Variants in VSTM2L observed in about 807,000 individuals in gnomAD.
VSTM2L encodes the protein V-set and transmembrane domain containing 2 like.
A neutral mutation model predicts 19.9 loss-of-function variants in VSTM2L; 9 were observed. The ratio of observed to expected loss-of-function variants is 0.45; its 90% confidence interval spans 0.27 to 0.79. VSTM2L has a LOEUF of 0.79. VSTM2L is among the 30% of genes least tolerant of loss of function. The pLI is 0.15. For synonymous variants in VSTM2L, 127 were observed against 133.8 expected (o/e 0.95, Z 0.35); for missense variants, 286 against 295.5 (o/e 0.97, Z 0.24).
At chr20:37,928,908 T>C (rs563576211) in intron 1 of VSTM2L, among the ~76,000 whole-genome samples, 1 of 152,356 alleles carries the variant, frequency 6.6e-6, no homozygotes, top group South Asian at 2.1e-4. Context: ...TTAACATTTA[T>C]GTTTACATGA....
At chr20:37,913,977 C>G (rs887999435) in intron 1 of VSTM2L, among the ~76,000 whole-genome samples, 2 of 151,964 alleles carry the variant, frequency 1.3e-5, no homozygotes, top group Non-Finnish European at 2.9e-5. Context: ...TGGATGCGGG[C>G]GTGCACGGAC....
At chr20:37,912,415 C>T (rs77059272) in intron 1 of VSTM2L, among the ~76,000 whole-genome samples, 1 of 152,218 alleles carries the variant, frequency 6.6e-6, no homozygotes, top group Non-Finnish European at 1.5e-5. Context: ...TAGTGGGAAG[C>T]AGTGGGGCTC....
intron 3 of VSTM2L, 51 bp downstream of exon 3, chr20:37,933,640 G>T: frequency 6.3e-7 from 1 of 1,598,262 alleles, no homozygotes; most frequent in Non-Finnish European, 8.6e-7. Context: ...GGGCACAGCT[G>T]TGACTTAAAA....
chr20:37,919,491 T>C (rs1215175418), intron 1 of VSTM2L, among the ~76,000 whole-genome samples: 2 of 152,244 alleles, frequency 1.3e-5, no homozygotes, highest in Non-Finnish European at 2.9e-5. Flanking sequence ...TTTCTTCTTA[T>C]GGGGATTTTA....
chr20:37,931,066 G>A (rs919069096), intron 1 of VSTM2L, among the ~76,000 whole-genome samples: 1 of 152,200 alleles, frequency 6.6e-6, no homozygotes, highest in Non-Finnish European at 1.5e-5. Context: ...GCAAGAGTGA[G>A]GCCAGAAAGG....
intron 1 of VSTM2L, among the ~76,000 whole-genome samples, chr20:37,929,240 A>G (rs2072895373): frequency 6.6e-6 from 1 of 152,176 alleles, no homozygotes; most frequent in Admixed American, 6.5e-5. Context: ...AGGAATCAGC[A>G]GGTGCAAAGG....
intron 1 of VSTM2L, among the ~76,000 whole-genome samples, chr20:37,931,351 T>C (rs1007565092): frequency 3.9e-5 from 6 of 152,166 alleles, no homozygotes; most frequent in Non-Finnish European, 7.4e-5. Context: ...CCCTGGCATG[T>C]TCTCCCACAG....
intron 1 of VSTM2L, among the ~76,000 whole-genome samples, chr20:37,917,406 A>G (rs1373982179): frequency 2.6e-5 from 4 of 152,240 alleles, no homozygotes; most frequent in Admixed American, 6.5e-5. Flanking sequence ...GAGACAGGCA[A>G]GGACCCACCT....
chr20:37,926,919 A>C (rs1267172581), intron 1 of VSTM2L, among the ~76,000 whole-genome samples: 2 of 152,104 alleles, frequency 1.3e-5, no homozygotes, highest in Non-Finnish European at 2.9e-5. Context: ...TGTAAAATGC[A>C]CTCCAGTTTT....
chr20:37,912,166 G>A (rs1359776845), intron 1 of VSTM2L, among the ~76,000 whole-genome samples: 2 of 152,226 alleles, frequency 1.3e-5, no homozygotes, highest in Non-Finnish European at 2.9e-5. Context: ...ATGCTGAACA[G>A]CAAAGCCGGG....
chr20:37,914,980 A>T (rs2072809016), intron 1 of VSTM2L, among the ~76,000 whole-genome samples: 1 of 152,116 alleles, frequency 6.6e-6, no homozygotes, highest in Non-Finnish European at 1.5e-5. Flanking sequence ...GTGAGGTTTT[A>T]AAAAAATCAT....
intron 1 of VSTM2L, among the ~76,000 whole-genome samples, chr20:37,913,027 C>G (rs1041303913): frequency 6.6e-6 from 1 of 152,276 alleles, no homozygotes; most frequent in Middle Eastern, 3.4e-3. Context: ...GCACACAGCT[C>G]TCTTCGATGA....
rs6126614 is a variant in VSTM2L at position 37,943,110 on chromosome 20, G to A, written c.343-871G>A. ...AGTCTCACGAGTAGCTGGGATTACC[G>A]GCATGCACCACCACACCCCCGGCTA... On this transcript the variant is annotated intron_variant, in intron 3 of 3. Transcript: ENST00000373461. Among the ~76,000 whole-genome samples the A allele has an allele frequency of 6.3e-4, 96 of 152,008 alleles. 1 individual carries two copies. In the East Asian group the frequency reaches 0.016, roughly 26 times the overall value.
chr20:37,923,613 G>T (rs1300799843), intron 1 of VSTM2L, among the ~76,000 whole-genome samples: 2 of 152,194 alleles, frequency 1.3e-5, no homozygotes, highest in African/African-American at 4.8e-5. Context: ...CTGGGGACTG[G>T]CTGCAAGGAG....
At chr20:37,938,941 G>A (rs930268696) in intron 3 of VSTM2L, among the ~76,000 whole-genome samples, 9 of 152,118 alleles carry the variant, frequency 5.9e-5, no homozygotes, top group African/African-American at 2.2e-4. Flanking sequence ...TGGGGGCCTC[G>A]GAAAGACATG....
At chr20:37,907,008 C>T (rs1486552904) in intron 1 of VSTM2L, among the ~76,000 whole-genome samples, 1 of 152,358 alleles carries the variant, frequency 6.6e-6, no homozygotes, top group South Asian at 2.1e-4. Flanking sequence ...AGAAGCCTCA[C>T]ATGGCAGAGT....
At chr20:37,921,998 C>T (rs906200590) in intron 1 of VSTM2L, among the ~76,000 whole-genome samples, 1 of 151,784 alleles carries the variant, frequency 6.6e-6, no homozygotes, top group African/African-American at 2.4e-5. Flanking sequence ...GCAGTGAGCC[C>T]AGGGAAGCCA....
chr20:37,927,952 C>A (rs2072887779), intron 1 of VSTM2L, among the ~76,000 whole-genome samples: 2 of 152,204 alleles, frequency 1.3e-5, no homozygotes, highest in African/African-American at 4.8e-5. Flanking sequence ...CTGGCTTCAG[C>A]CTTTCTTGCT....
chr20:37,931,769 G>A lies in VSTM2L; in HGVS notation c.256G>A (p.Asp86Asn). The change falls in exon 2 of 4, where the codon GAC becomes AAC. Residue 86 changes from aspartate (D) to asparagine (N), a missense_variant. Transcript: ENST00000373461. ...IQWWYVRSHRDWTDKQAWASN... is the reference protein window; with the variant it reads ...IQWWYVRSHRNWTDKQAWASN... ...GTGGTGGTATGTACGGAGCCACCGGGACTGGACCGACAAGCAGGCGTGGGC... is the reference window on the plus strand; with the variant it reads ...GTGGTGGTATGTACGGAGCCACCGGAACTGGACCGACAAGCAGGCGTGGGC... 1 of 1,613,956 alleles carries A rather than the reference G, an allele frequency of 6.2e-7. No individual in the cohort carries two copies. Among genetic ancestry groups the A allele is most frequent in the Non-Finnish European group, 8.5e-7 (1 of 1,180,016 alleles).
Sources: gnomAD v4.1 joint callset for allele counts (sites outside exome capture counted in the v4.1 genomes callset) on GRCh38, gnomAD v4.1.1 for gene constraint, MANE v1.5 for transcripts, NCBI Gene and HGNC (gene_info 2026-07-23, HGNC 2026-07-21) for gene names.